The following CALCRL variants were observed in gnomAD, a reference collection of about 807,000 sequenced individuals.
CALCRL encodes calcitonin gene-related peptide type 1 receptor.
In CALCRL, 27 loss-of-function variants were observed where a neutral mutation model predicts 60.4. The ratio of observed to expected loss-of-function variants is 0.45; its 90% CI spans 0.33 to 0.62. The LOEUF is 0.62. Ranked by LOEUF, CALCRL falls within the 20% of genes least tolerant of loss-of-function variation. The probability of loss-of-function intolerance (pLI) is 0.03; values close to 1 mark genes in which losing one functional copy is unlikely to be tolerated. For synonymous variants in CALCRL, 190 were observed against 182.6 expected (o/e 1.04, Z -0.33); for missense variants, 424 against 540.7 (o/e 0.78, Z 2.14).
rs189631523 is a variant in CALCRL, at chr2:187,409,066, A to C, written c.-292-21310T>G. Among the ~76,000 whole-genome samples the C allele has an allele frequency of 2.9e-3, 447 of 152,258 alleles. 1 individual carries two copies. Among genetic ancestry groups the C allele is most frequent in the African/African-American group, 0.01 (419 of 41,552 alleles). On this transcript the variant is annotated intron_variant, in intron 1 of 14. Coordinates refer to ENST00000392370, the MANE Select transcript of CALCRL (RefSeq NM_005795.6). ...TCTTCTTCCCTTTCTTTCTTCCAAC[A>C]CTGTAACAGTCCTTGTGAGCTTTTT...
At chr2:187,350,098 T>A (rs1686459570) in intron 14 of CALCRL, among the ~76,000 whole-genome samples, 1 of 151,634 alleles carries the variant, frequency 6.6e-6, no homozygotes, top group Admixed American at 6.6e-5. Flanking sequence ...AAGTAGCATC[T>A]TTGGTGATTA....
At chr2:187,426,996 A>G (rs11903296) in intron 1 of CALCRL, among the ~76,000 whole-genome samples, 51,075 of 152,026 alleles carry the variant, frequency 0.34, 9,015 homozygotes, top group African/African-American at 0.43. Context: ...GCAAACATCA[A>G]TGTATCCACC....
chr2:187,394,956 G>C (rs891051606), intron 1 of CALCRL, among the ~76,000 whole-genome samples: 5 of 151,908 alleles, frequency 3.3e-5, no homozygotes, highest in African/African-American at 2.4e-5. Flanking sequence ...TTTTATCATA[G>C]CTCACCTTGT....
rs1267091523 is a variant in CALCRL at position 187,383,322 on chromosome 2, A to G, written c.52-17T>C. ...AACAAGAATCTAAGGGATTAAAAAA[A>G]CAACAACATCAACTTCATGAAAAGG... On this transcript the variant is annotated splice_polypyrimidine_tract_variant and intron_variant, in intron 4 of 14. Coordinates refer to ENST00000392370, the MANE Select transcript of CALCRL (RefSeq NM_005795.6). 1 of 1,574,554 alleles carries G rather than the reference A, an allele frequency of 6.4e-7. No individual in the cohort carries two copies. Among genetic ancestry groups the G allele is most frequent in the Non-Finnish European group, 8.6e-7 (1 of 1,166,220 alleles).
intron 1 of CALCRL, among the ~76,000 whole-genome samples, chr2:187,389,069 C>CTTTTT (rs35822000): frequency 1.4e-5 from 2 of 140,160 alleles, no homozygotes; most frequent in African/African-American, 5.3e-5. Flanking sequence ...ACTTCTTCTT[C>CTTTTT]TTTTTTTTTT....
chr2:187,411,534 AG>A (rs767251725), intron 1 of CALCRL, among the ~76,000 whole-genome samples: 9 of 152,174 alleles, frequency 5.9e-5, no homozygotes, highest in Non-Finnish European at 1.3e-4. Context: ...ATTTTAACTG[AG>A]AAAAAAAAAT....
chr2:187,345,025 A>G lies in CALCRL; in HGVS notation c.*1159T>C, dbSNP rs567981403. On this transcript the variant is annotated 3_prime_UTR_variant, in exon 15 of 15. Transcript: ENST00000392370. ...GTTTTTAAAATAAATATATCTTATG[A>G]TAGATGTTTCTGTTCTCTTAGTTCT... 1 of 152,074 alleles carries G rather than the reference A, an allele frequency of 6.6e-6. No individual in the cohort carries two copies. Among genetic ancestry groups the G allele is most frequent in the South Asian group, 2.1e-4 (1 of 4,834 alleles). The allele number at this position is 152,074 out of a possible 1,614,324, so 9.4% of individuals were successfully genotyped here. A position where few individuals can be genotyped will look rare whatever the true frequency, so the allele number is the denominator to read the frequency against.
chr2:187,442,819 G>T (rs893043570), intron 1 of CALCRL, among the ~76,000 whole-genome samples: 2 of 151,836 alleles, frequency 1.3e-5, no homozygotes, highest in Non-Finnish European at 2.9e-5. Flanking sequence ...TGTTAGAAGA[G>T]ATTCAGTTTG....
rs971633135 is a variant in CALCRL, at chr2:187,344,486, TA to T, written c.*1697del. 2 of 151,702 alleles carry T rather than the reference TA, an allele frequency of 1.3e-5. No homozygotes were observed. Among genetic ancestry groups the T allele is most frequent in the Non-Finnish European group, 3.0e-5 (2 of 67,702 alleles). The allele number at this position is 151,702 out of a possible 1,614,324, so 9.4% of individuals were successfully genotyped here. On this transcript the variant is annotated 3_prime_UTR_variant, in exon 15 of 15. Coordinates refer to ENST00000392370, the MANE Select transcript of CALCRL (RefSeq NM_005795.6). The stretch of plus-strand genomic sequence containing the variant: ...GACTTTTCCCAAAATTGACTTTTAC[TA>T]ATTGAAGTCATTCTTGTTCTTTAGA...
At chr2:187,401,434 T>G (rs1348938337) in intron 1 of CALCRL, among the ~76,000 whole-genome samples, 1 of 151,698 alleles carries the variant, frequency 6.6e-6, no homozygotes, top group Non-Finnish European at 1.5e-5. Context: ...TTTATATATA[T>G]AGAACTGCTT....
At position 187,352,179 on chromosome 2, in the gene CALCRL, G is replaced by T; in HGVS notation, c.1063C>A (p.Arg355=). 1.2e-6 allele frequency: 2 copies of T among 1,612,282 alleles called. No individual in the cohort carries two copies. Among genetic ancestry groups the T allele is most frequent in the Non-Finnish European group, 1.7e-6 (2 of 1,178,888 alleles). The part of the protein sequence containing the change: ...LGIEFVLIPW[R]PEGKIAEEVY... ...TCCTCTGCAATCTTTCCTTCAGGTCGCCATGGAATCAGCACAAATTCAATG... is the reference window on the plus strand; with the variant it reads ...TCCTCTGCAATCTTTCCTTCAGGTCTCCATGGAATCAGCACAAATTCAATG... The change falls in exon 13 of 15, where the codon CGA becomes AGA. Residue 355 remains arginine (R), a synonymous_variant. Transcript: ENST00000392370.
chr2:187,405,240 CTT>C (rs1348010849), intron 1 of CALCRL, among the ~76,000 whole-genome samples: 2 of 152,118 alleles, frequency 1.3e-5, no homozygotes, highest in South Asian at 2.1e-4. Flanking sequence ...AGTTAGAAGA[CTT>C]ATAATTTTGA....
intron 1 of CALCRL, among the ~76,000 whole-genome samples, chr2:187,425,208 C>A (rs1318978891): frequency 1.3e-5 from 2 of 151,772 alleles, no homozygotes; most frequent in South Asian, 2.1e-4. Flanking sequence ...ATAGATTTTT[C>A]TCACATTTTA....
chr2:187,375,445 A>G (rs979571003), intron 8 of CALCRL, among the ~76,000 whole-genome samples: 2 of 152,144 alleles, frequency 1.3e-5, no homozygotes, highest in African/African-American at 2.4e-5. Flanking sequence ...TAATTATTTG[A>G]AAAACATATT....
intron 14 of CALCRL, among the ~76,000 whole-genome samples, chr2:187,350,226 A>G (rs570389958): frequency 1.3e-4 from 19 of 151,828 alleles, no homozygotes; most frequent in African/African-American, 4.6e-4. Flanking sequence ...GTAGATACAG[A>G]GGTCTACCTT....
intron 1 of CALCRL, among the ~76,000 whole-genome samples, chr2:187,408,683 T>G (rs1051263472): frequency 6.6e-6 from 1 of 152,106 alleles, no homozygotes; most frequent in Non-Finnish European, 1.5e-5. Flanking sequence ...AATTTTATTG[T>G]AATTTATGTA....
intron 1 of CALCRL, among the ~76,000 whole-genome samples, chr2:187,421,490 C>G (rs3771073): frequency 0.38 from 57,858 of 151,942 alleles, 11,301 homozygotes; most frequent in Middle Eastern, 0.48. Context: ...CTTTCTCTAA[C>G]AGTCCGATTT....
chr2:187,356,197 A>G (rs1201927369), intron 12 of CALCRL, among the ~76,000 whole-genome samples: 2 of 152,156 alleles, frequency 1.3e-5, no homozygotes, highest in Non-Finnish European at 2.9e-5. Context: ...AGCCAAGACT[A>G]AGCAATCCTA....
chr2:187,419,010 C>T (rs1487118427), intron 1 of CALCRL, among the ~76,000 whole-genome samples: 1 of 147,048 alleles, frequency 6.8e-6, no homozygotes, highest in Non-Finnish European at 1.5e-5. Flanking sequence ...GCACGCACCA[C>T]CACGTCTGGC....
Sources: allele counts gnomAD v4.1 joint callset (sites outside exome capture counted in the v4.1 genomes callset), GRCh38; gene constraint gnomAD v4.1.1; transcripts MANE v1.5; gene names NCBI Gene and HGNC (gene_info 2026-07-23, HGNC 2026-07-21).